SPATA13: variants seen among roughly 807,000 people sequenced by gnomAD.
The protein encoded by SPATA13 is spermatogenesis associated 13, also known as spermatogenesis-associated protein 13.
A neutral mutation model predicts 104.0 loss-of-function variants in SPATA13; 50 were observed. The ratio of observed to expected loss-of-function variants is 0.48; its 90% CI spans 0.38 to 0.61. SPATA13 has a LOEUF of 0.61. Ranked by LOEUF, SPATA13 falls within the 20% of genes least tolerant of loss-of-function variation. SPATA13 has a pLI of 0.00. For missense variants in SPATA13, 1,524 were observed against 1,690.6 expected, an observed-to-expected ratio of 0.90 and a Z score of 1.73; for synonymous variants, 606 against 667.5, an observed-to-expected ratio of 0.91 and a Z score of 1.42.
chr13:24,160,138 A>G (rs1882407279), upstream of SPATA13, among the ~76,000 whole-genome samples: 1 of 152,208 alleles, frequency 6.6e-6, no homozygotes, highest in Admixed American at 6.5e-5. Flanking sequence ...ACAGGGAGTG[A>G]ACTTCTGGCC....
intron 10 of SPATA13, among the ~76,000 whole-genome samples, chr13:24,296,932 T>G (rs1237614930): frequency 1.3e-5 from 2 of 152,226 alleles, no homozygotes; most frequent in African/African-American, 2.4e-5. Context: ...CTCAGGTACC[T>G]AGAAAGTCTG....
At chr13:23,998,633 G>A (rs2765173) in intron 2 of SPATA13, among the ~76,000 whole-genome samples, 116,575 of 151,588 alleles carry the variant, frequency 0.77, 44,936 homozygotes, top group African/African-American at 0.8. Context: ...TGCTGTATTT[G>A]TGAAATCTTT....
At chr13:24,237,412 G>A (rs981674206) in intron 2 of SPATA13, among the ~76,000 whole-genome samples, 3 of 152,088 alleles carry the variant, frequency 2.0e-5, no homozygotes, top group African/African-American at 7.2e-5. Flanking sequence ...TGAACCTTGA[G>A]GACATTGTGC....
intron 10 of SPATA13, among the ~76,000 whole-genome samples, chr13:24,295,102 T>C (rs1343815063): frequency 2.0e-5 from 3 of 152,232 alleles, no homozygotes; most frequent in Non-Finnish European, 4.4e-5. Flanking sequence ...AGTTAATTTA[T>C]TGCTGAGCCT....
chr13:24,066,131 G>T (rs1878955224), intron 3 of SPATA13, among the ~76,000 whole-genome samples: 1 of 152,088 alleles, frequency 6.6e-6, no homozygotes, highest in Non-Finnish European at 1.5e-5. Flanking sequence ...GTACCTTTAG[G>T]TTACACGTGG....
chr13:24,052,711 T>C lies in SPATA13; in HGVS notation c.-112+35010T>C, dbSNP rs186795494. On this transcript the variant is annotated intron_variant, in intron 3 of 14. Coordinates refer to the SPATA13 transcript ENST00000424834. ...TGTCTAAATTTCTCAATAAAAGGCA[T>C]ATTTTATAAACAGAATATAAATATT... 4.1e-3 allele frequency among the ~76,000 whole-genome samples: 623 copies of C among 151,218 alleles called. 10 individuals carry two copies. The highest frequency in any genetic ancestry group is 0.014 in the African/African-American group (579 of 41,340).
intron 3 of SPATA13, among the ~76,000 whole-genome samples, chr13:24,086,488 C>A (rs1015267035): frequency 6.6e-6 from 1 of 151,844 alleles, no homozygotes; most frequent in Non-Finnish European, 1.5e-5. Context: ...ACCACAAGGA[C>A]CTGAATTATG....
rs117568225 is a variant in SPATA13, at chr13:24,129,391, C to T, written c.-111-93428C>T. 3.9e-5 allele frequency among the ~76,000 whole-genome samples: 6 copies of T among 152,326 alleles called. No individual in the cohort carries two copies. In the East Asian group the frequency reaches 1.2e-3, roughly 29 times the overall value. ...AGGATGGAAAAAAATTGCCAAAACA[C>T]ACAGAACAAGGCTTGTCCAGAGAAT... On this transcript the variant is annotated intron_variant, in intron 3 of 14. Transcript: ENST00000424834.
At chr13:24,069,741 C>G (rs1409805088) in intron 3 of SPATA13, among the ~76,000 whole-genome samples, 1 of 152,190 alleles carries the variant, frequency 6.6e-6, no homozygotes, top group African/African-American at 2.4e-5. Context: ...CTGCCAACAA[C>G]TGTTCTTTGT....
intron 2 of SPATA13, among the ~76,000 whole-genome samples, chr13:24,228,068 C>T (rs2138620854): frequency 6.7e-6 from 1 of 149,524 alleles, no homozygotes; most frequent in East Asian, 2.0e-4. Flanking sequence ...GCATGCCCAG[C>T]TAATTTTTTG....
At chr13:24,231,639 TTG>T (rs1476366584) in intron 2 of SPATA13, among the ~76,000 whole-genome samples, 1 of 152,218 alleles carries the variant, frequency 6.6e-6, no homozygotes, top group African/African-American at 2.4e-5. Flanking sequence ...TTGCTAGGTC[TTG>T]TGACATTTCT....
intron 2 of SPATA13, among the ~76,000 whole-genome samples, chr13:23,990,884 C>T (rs2137658917): frequency 6.6e-6 from 1 of 152,342 alleles, no homozygotes; most frequent in South Asian, 2.1e-4. Flanking sequence ...TAGTATCACA[C>T]ATTCAGAGTC....
chr13:24,158,765 C>T (rs954490763), upstream of SPATA13, among the ~76,000 whole-genome samples: 1 of 152,178 alleles, frequency 6.6e-6, no homozygotes, highest in African/African-American at 2.4e-5. Context: ...TAATTCTCCA[C>T]CCAATGCAGA....
chr13:24,302,450 A>G (rs1593521504), intron 12 of SPATA13, 148 bp from the exon 13 acceptor site: 2 of 560,840 alleles, frequency 3.6e-6, no homozygotes, highest in Non-Finnish European at 5.7e-6. Context: ...TGACAGTAAG[A>G]CCCTGTCTCA....
At chr13:24,074,784 TTAGCC>T (rs1476025600) in intron 3 of SPATA13, among the ~76,000 whole-genome samples, 2 of 152,198 alleles carry the variant, frequency 1.3e-5, no homozygotes, top group Non-Finnish European at 2.9e-5. Context: ...CAACCTCCTG[TTAGCC>T]AGCCAGAATA....
chr13:23,980,161 G>C (rs9510983), intron 1 of SPATA13, among the ~76,000 whole-genome samples: 1 of 152,096 alleles, frequency 6.6e-6, no homozygotes, highest in African/African-American at 2.4e-5. Context: ...CTCCATCCTC[G>C]GCGACAGAGC....
At chr13:24,230,809 C>T (rs1872221739) in intron 2 of SPATA13, among the ~76,000 whole-genome samples, 1 of 152,062 alleles carries the variant, frequency 6.6e-6, no homozygotes, top group African/African-American at 2.4e-5. Flanking sequence ...TAGGTCTGGA[C>T]ATCATTAGGA....
intron 2 of SPATA13, among the ~76,000 whole-genome samples, chr13:24,012,605 C>CT (rs1876521720): frequency 1.3e-5 from 2 of 152,240 alleles, no homozygotes; most frequent in African/African-American, 4.8e-5. Context: ...CCTGGTTGAT[C>CT]TTTTTCTGCC....
intron 9 of SPATA13, among the ~76,000 whole-genome samples, chr13:24,293,225 C>A (rs1470648734): frequency 5.0e-5 from 7 of 139,128 alleles, no homozygotes; most frequent in South Asian, 2.2e-4. Context: ...CAGAAAAGTT[C>A]AGTGGAAAAA....
Sources: allele counts gnomAD v4.1 joint callset (sites outside exome capture counted in the v4.1 genomes callset), GRCh38; gene constraint gnomAD v4.1.1; transcripts MANE v1.5; gene names NCBI Gene and HGNC (gene_info 2026-07-23, HGNC 2026-07-21).